Variants in MOSMO observed in about 807,000 individuals in gnomAD.
MOSMO encodes modulator of smoothened protein.
Under a neutral mutation model 18.4 loss-of-function variants are expected in MOSMO, and 5 were observed. The ratio of observed to expected loss-of-function variants is 0.27; its 90% CI spans 0.14 to 0.57. The LOEUF (loss-of-function observed/expected upper bound fraction) is 0.57. Among genes scored for constraint, MOSMO ranks in the 20% least tolerant of loss-of-function variants. The pLI, the probability that MOSMO is intolerant of heterozygous loss-of-function variation, is 0.92. For synonymous variants in MOSMO, 82 were observed against 82.3 expected, an observed-to-expected ratio of 1.00 and a Z score of 0.02; for missense variants, 138 against 211.8, an observed-to-expected ratio of 0.65 and a Z score of 2.16.
At chr16:22,080,631 A>C in intron 2 of MOSMO, 65 bp from the exon 3 acceptor site, 1 of 1,138,430 alleles carries the variant, frequency 8.8e-7, no homozygotes, top group Non-Finnish European at 1.1e-6. Context: ...TTTGTGCCAA[A>C]TTTTCATTGT....
At chr16:22,085,718 C>T (rs1224970733), downstream of MOSMO, 3 of 152,112 alleles carry the variant, frequency 2.0e-5, no homozygotes, top group East Asian at 1.9e-4. Context: ...GTCAACTCTT[C>T]TGGGTCACAG....
chr16:22,047,764 C>T lies in MOSMO; in HGVS notation c.107-27723C>T, dbSNP rs568127841. On this transcript the variant is annotated intron_variant, in intron 1 of 2. Transcript: ENST00000542527. Reference sequence around the variant, plus strand: ...TGTCAGGTCCTCTGGGAAGCTGACACTGAGACAGAGTTAGGACTGCAAATA... The same window carrying T: ...TGTCAGGTCCTCTGGGAAGCTGACATTGAGACAGAGTTAGGACTGCAAATA... 1.1e-4 allele frequency among the ~76,000 whole-genome samples: 16 copies of T among 152,264 alleles called. No homozygotes were observed. In the East Asian group the frequency reaches 3.1e-3, roughly 29 times the overall value.
At chr16:22,018,244 C>G (rs1403801824) in intron 1 of MOSMO, among the ~76,000 whole-genome samples, 2 of 152,014 alleles carry the variant, frequency 1.3e-5, no homozygotes, top group Non-Finnish European at 2.9e-5. Context: ...GAAAAAAATG[C>G]AGTTGGGTGG....
At chr16:22,017,559 T>C (rs910950599) in intron 1 of MOSMO, among the ~76,000 whole-genome samples, 2 of 152,166 alleles carry the variant, frequency 1.3e-5, no homozygotes, top group African/African-American at 4.8e-5. Flanking sequence ...AAGTAGCAGT[T>C]ATTTCATCCT....
At chr16:22,071,130 C>A (rs1372948919) in intron 1 of MOSMO, among the ~76,000 whole-genome samples, 1 of 152,098 alleles carries the variant, frequency 6.6e-6, no homozygotes, top group Non-Finnish European at 1.5e-5. Context: ...TTGCCAAGAA[C>A]AGATTTTATT....
At position 22,082,113 on chromosome 16, in the gene MOSMO, G is replaced by C. The variant is rs971776703; in HGVS notation, c.*1233G>C. On this transcript the variant is annotated 3_prime_UTR_variant, in exon 3 of 3. Coordinates refer to ENST00000542527, the MANE Select transcript of MOSMO (RefSeq NM_001164579.2). ...TACAAAGTTCGCTAGTAAATATCTGGCTATTTTGGCTATTTACAACACTAA... is the reference window on the plus strand; with the variant it reads ...TACAAAGTTCGCTAGTAAATATCTGCCTATTTTGGCTATTTACAACACTAA... 6.6e-6 allele frequency: 1 copy of C among 151,982 alleles called. No individual in the cohort carries two copies. Among genetic ancestry groups the C allele is most frequent in the African/African-American group, 2.4e-5 (1 of 41,378 alleles). The allele number at this position is 151,982 out of a possible 1,614,324, so 9.4% of individuals were successfully genotyped here.
chr16:22,056,575 G>T (rs1900542433), intron 1 of MOSMO, among the ~76,000 whole-genome samples: 1 of 150,924 alleles, frequency 6.6e-6, no homozygotes, highest in Non-Finnish European at 1.5e-5. Flanking sequence ...GTAGAGACGG[G>T]GTTTCTCCAT....
intron 1 of MOSMO, among the ~76,000 whole-genome samples, chr16:22,011,415 C>T (rs1164114275): frequency 6.6e-6 from 1 of 152,046 alleles, no homozygotes; most frequent in Non-Finnish European, 1.5e-5. Context: ...AGGATAGTGG[C>T]CAAAGTATTG....
chr16:22,080,527 G>T (rs1443545302), intron 2 of MOSMO, among the ~76,000 whole-genome samples, 169 bp from the exon 3 acceptor site: 2 of 152,174 alleles, frequency 1.3e-5, no homozygotes, highest in Non-Finnish European at 2.9e-5. Context: ...GTATTGTTAG[G>T]CTTCAGGGAT....
chr16:22,075,151 G>T, intron 1 of MOSMO: 2 of 371,342 alleles, frequency 5.4e-6, no homozygotes, highest in Admixed American at 3.4e-5. Context: ...CTCAGTGAGG[G>T]CAGGAACCTC....
rs563044024 is a variant in MOSMO, at chr16:22,026,589, A to G, written c.106+18182A>G. Among the ~76,000 whole-genome samples, 21 of 152,288 alleles carry G rather than the reference A, an allele frequency of 1.4e-4. 1 individual carries two copies. The South Asian group carries it at 4.1e-3, about 30-fold the overall frequency. On this transcript the variant is annotated intron_variant, in intron 1 of 2. Coordinates refer to ENST00000542527, the MANE Select transcript of MOSMO (RefSeq NM_001164579.2). ...TGTCTTATAGTGATTTGGTGGTGAG[A>G]CATACGGGAAGGGGTGGTAAAGAGT...
intron 1 of MOSMO, among the ~76,000 whole-genome samples, chr16:22,012,743 A>G (rs1314632590): frequency 6.6e-6 from 1 of 151,552 alleles, no homozygotes; most frequent in African/African-American, 2.4e-5. Flanking sequence ...GGAATAGAAA[A>G]AAAAAAAAAA....
chr16:22,081,375 G>A lies in MOSMO; in HGVS notation c.*495G>A, dbSNP rs947080178. The A allele has an allele frequency of 1.3e-5, 2 of 151,878 alleles. No homozygotes were observed. Among genetic ancestry groups the A allele is most frequent in the African/African-American group, 4.8e-5 (2 of 41,346 alleles). 9.4% of individuals were successfully genotyped at this position (151,878 alleles called of 1,614,324 possible). A position where few individuals can be genotyped will look rare whatever the true frequency, so the allele number is the denominator to read the frequency against. On this transcript the variant is annotated 3_prime_UTR_variant, in exon 3 of 3. Transcript: ENST00000542527. The stretch of plus-strand genomic sequence containing the variant: ...TAGTGTTCACAACTTCCTTGTAATA[G>A]TATGAGCCTTTGGCACCAGAATGGA...
intron 1 of MOSMO, among the ~76,000 whole-genome samples, chr16:22,062,629 C>CT (rs1364784928): frequency 6.6e-6 from 1 of 152,036 alleles, no homozygotes; most frequent in Non-Finnish European, 1.5e-5. Context: ...GGCCTATTTC[C>CT]TTTTTTAAAA....
At position 22,083,397 on chromosome 16, in the gene MOSMO, C is replaced by T. The variant is rs1199414888; in HGVS notation, c.*2517C>T. On this transcript the variant is annotated 3_prime_UTR_variant, in exon 3 of 3. Transcript: ENST00000542527. ...CCCTCTAGCCAGTCAGCACTCTAAC[C>T]CAGGATTAAACCATCCCATCAAGTA... 8.9e-6 allele frequency: 2 copies of T among 225,846 alleles called. No individual in the cohort carries two copies. The highest frequency in any genetic ancestry group is 4.8e-5 in the African/African-American group (2 of 41,940). The allele number at this position is 225,846 out of a possible 1,614,324, so 14.0% of individuals were successfully genotyped here.
intron 1 of MOSMO, among the ~76,000 whole-genome samples, chr16:22,015,201 A>G (rs887612541): frequency 2.0e-5 from 3 of 152,022 alleles, no homozygotes; most frequent in Admixed American, 6.6e-5. Context: ...ATCCTTTGTG[A>G]CAGGCTTCTT....
intron 1 of MOSMO, among the ~76,000 whole-genome samples, chr16:22,048,187 T>C (rs1248746644): frequency 1.3e-5 from 2 of 152,190 alleles, no homozygotes; most frequent in Non-Finnish European, 2.9e-5. Context: ...CATCTCTGTG[T>C]AAGAAAGATG....
At chr16:22,010,452 G>C (rs1295895092) in intron 1 of MOSMO, among the ~76,000 whole-genome samples, 3 of 152,100 alleles carry the variant, frequency 2.0e-5, no homozygotes, top group African/African-American at 7.2e-5. Context: ...ACGTACTTAG[G>C]GGAAAAGGGG....
chr16:22,042,666 C>T (rs919982824), intron 1 of MOSMO, among the ~76,000 whole-genome samples: 52 of 152,306 alleles, frequency 3.4e-4, no homozygotes, highest in African/African-American at 1.3e-3. Context: ...CCAGAAGTTA[C>T]CACCCAGTGC....
Sources: allele counts gnomAD v4.1 joint callset (sites outside exome capture counted in the v4.1 genomes callset), GRCh38; gene constraint gnomAD v4.1.1; transcripts MANE v1.5; gene names NCBI Gene and HGNC (gene_info 2026-07-23, HGNC 2026-07-21).